AMY2B: variants seen among roughly 807,000 people sequenced by gnomAD.
AMY2B encodes the protein alpha-amylase 2B.
AMY2B carries 63 observed loss-of-function variants against 59.3 expected under a neutral mutation model. The ratio of observed to expected loss-of-function variants is 1.06; its 90% CI spans 0.87 to 1.31. The LOEUF is 1.31. Among genes scored for constraint, AMY2B ranks in the 50% most tolerant of loss-of-function variants. AMY2B has a pLI of 0.00. For synonymous variants in AMY2B, 180 were observed against 198.1 expected, an observed-to-expected ratio of 0.91 and a Z score of 0.77; for missense variants, 635 against 626.7, an observed-to-expected ratio of 1.01 and a Z score of -0.14.
chr1:103,577,592 C>T lies in AMY2B; in HGVS notation c.1204C>T (p.Arg402Ter), dbSNP rs377067814. ...TCGNDWVCEH[R>*]WRQIRNMVNF... Reference sequence around the variant, plus strand: ...TGGCAATGACTGGGTCTGTGAACATCGATGGCGCCAAATAAGGTGAGAATA... The same window carrying T: ...TGGCAATGACTGGGTCTGTGAACATTGATGGCGCCAAATAAGGTGAGAATA... Residue 402 changes from arginine (R) to a stop codon, truncating the protein, a stop_gained, in exon 8 of 10, where the codon CGA (arginine) becomes TGA (stop). Transcript: ENST00000684275. LOFTEE classifies it high-confidence loss of function. 4 of 1,611,878 alleles carry T rather than the reference C, an allele frequency of 2.5e-6. No individual in the cohort carries two copies. The highest frequency in any genetic ancestry group is 2.5e-6 in the Non-Finnish European group (3 of 1,179,800).
chr1:103,574,343 A>G lies in AMY2B; in HGVS notation c.828A>G (p.Lys276=), dbSNP rs138821426. 1.2e-6 allele frequency: 2 copies of G among 1,611,688 alleles called. No individual in the cohort carries two copies. Among genetic ancestry groups the G allele is most frequent in the African/African-American group, 2.7e-5 (2 of 74,860 alleles). Residue 276 remains lysine, a synonymous_variant, in exon 5 of 10, where the codon AAA becomes AAG. Transcript: ENST00000684275. The part of the protein sequence containing the change: ...GRVTEFKYGA[K]LGTVIRKWNG... ...TGACAGAATTCAAGTATGGTGCAAAACTCGGCACAGTTATTCGCAAGTGGA... is the reference window on the plus strand; with the variant it reads ...TGACAGAATTCAAGTATGGTGCAAAGCTCGGCACAGTTATTCGCAAGTGGA...
At chr1:103,558,870 CAAGAG>C (rs1426108030) in intron 1 of AMY2B, among the ~76,000 whole-genome samples, 2 of 151,754 alleles carry the variant, frequency 1.3e-5, no homozygotes, top group Non-Finnish European at 1.5e-5. Flanking sequence ...AAGGATAAGA[CAAGAG>C]AAAGGATGGT....
intron 1 of AMY2B, 122 bp from the exon 2 acceptor site, chr1:103,571,988 A>C: frequency 6.4e-7 from 1 of 1,554,622 alleles, no homozygotes; most frequent in Non-Finnish European, 8.7e-7. Flanking sequence ...TGCTGTTAAT[A>C]TTTTCAAGAG....
intron 1 of AMY2B, among the ~76,000 whole-genome samples, chr1:103,563,226 A>G (rs965827480): frequency 1.3e-5 from 2 of 152,062 alleles, no homozygotes; most frequent in Admixed American, 1.3e-4. Flanking sequence ...TCATATTCTT[A>G]GGGAATTCCC....
chr1:103,572,885 T>G (rs541066914), intron 2 of AMY2B, among the ~76,000 whole-genome samples, 178 bp from the exon 3 acceptor site: 1 of 152,316 alleles, frequency 6.6e-6, no homozygotes, highest in South Asian at 2.1e-4. Flanking sequence ...CTAGAAGGCA[T>G]GTAGGTGTTT....
upstream of AMY2B, chr1:103,570,833 G>T: frequency 4.8e-6 from 2 of 417,706 alleles, no homozygotes; most frequent in Non-Finnish European, 9.5e-6. Context: ...ATCAGCACTG[G>T]ATTGTAGAAC....
chr1:103,575,688 A>AT (rs1421511494), intron 7 of AMY2B, 148 bp downstream of exon 7: 4 of 1,162,500 alleles, frequency 3.4e-6, no homozygotes, highest in African/African-American at 3.1e-5. Flanking sequence ...AATGCAGGTT[A>AT]TATTAAAGGA....
At chr1:103,573,563 A>C (rs1652222277) in intron 3 of AMY2B, 145 bp from the exon 4 acceptor site, 1 of 1,300,388 alleles carries the variant, frequency 7.7e-7, no homozygotes, top group South Asian at 1.4e-5. Context: ...CATCTATAGT[A>C]GAATGTGAGC....
intron 9 of AMY2B, 128 bp downstream of exon 9, chr1:103,577,973 C>G (rs111586902): frequency 7.5e-5 from 114 of 1,527,566 alleles, no homozygotes; most frequent in Admixed American, 3.5e-4. Context: ...AGACAATAGA[C>G]ATCAAAATTG....
chr1:103,578,433 G>T (rs1652447840), intron 9 of AMY2B, among the ~76,000 whole-genome samples: 1 of 152,106 alleles, frequency 6.6e-6, no homozygotes. Flanking sequence ...CCTTTCATCT[G>T]TGATTCTTAT....
At chr1:103,577,254 A>C (rs1652394081) in intron 7 of AMY2B, 3 of 837,892 alleles carry the variant, frequency 3.6e-6, no homozygotes, top group Non-Finnish European at 5.5e-6. Flanking sequence ...CTTGGAATGA[A>C]AAGGAGAGGA....
chr1:103,572,957 A>T, intron 2 of AMY2B, 106 bp from the exon 3 acceptor site: 1 of 1,591,228 alleles, frequency 6.3e-7, no homozygotes, highest in South Asian at 1.1e-5. Flanking sequence ...ATAAGATATC[A>T]TGAAATATTT....
intron 1 of AMY2B, among the ~76,000 whole-genome samples, chr1:103,560,362 C>T (rs1651695352): frequency 6.6e-6 from 1 of 152,026 alleles, no homozygotes; most frequent in Admixed American, 6.6e-5. Flanking sequence ...ATTAATTTTG[C>T]CTTAGATCTT....
At chr1:103,578,672 G>A (rs555182083) in intron 9 of AMY2B, among the ~76,000 whole-genome samples, 73 of 151,962 alleles carry the variant, frequency 4.8e-4, no homozygotes, top group African/African-American at 1.7e-3. Context: ...TTCTTTTGTG[G>A]ATGAAAATAC....
At chr1:103,573,359 T>G in intron 3 of AMY2B, 99 bp downstream of exon 3, 1 of 1,580,142 alleles carries the variant, frequency 6.3e-7, no homozygotes, top group Non-Finnish European at 8.6e-7. Context: ...CGAATTTAGA[T>G]CTCTTAGGGA....
chr1:103,562,672 CTTTTTTTT>C (rs373215753), intron 1 of AMY2B, among the ~76,000 whole-genome samples: 6 of 112,088 alleles, frequency 5.4e-5, no homozygotes, highest in Admixed American at 9.0e-5. Context: ...GATAACTTGT[CTTTTTTTT>C]TTTTTTTTTT....
chr1:103,570,486 C>G, upstream of AMY2B: 1 of 668,488 alleles, frequency 1.5e-6, no homozygotes, highest in African/African-American at 1.8e-5. Context: ...CGACAGGATG[C>G]AGAAGGAGAT....
Position 103,575,354 on chromosome 1 carries a change from C to T in AMY2B, c.1001+9C>T, listed in dbSNP as rs1457668659. On this transcript the variant is annotated intron_variant, in intron 6 of 9. Coordinates refer to ENST00000684275, the MANE Select transcript of AMY2B (RefSeq NM_001387437.1). ...ACCTTCTGGGATGCTAGGTAGAAAA[C>T]CAAGTTCTCTATTTTTTTTAACACA... 20 of 1,612,864 alleles carry T rather than the reference C, an allele frequency of 1.2e-5. No individual in the cohort carries two copies. The highest frequency in any genetic ancestry group is 1.7e-5 in the Admixed American group (1 of 59,868).
At chr1:103,577,958 C>T in intron 9 of AMY2B, 113 bp downstream of exon 9, 1 of 1,552,822 alleles carries the variant, frequency 6.4e-7, no homozygotes, top group Non-Finnish European at 8.6e-7. Flanking sequence ...GTCAGTGGAG[C>T]AAGAAGACAA....
Sources: allele counts gnomAD v4.1 joint callset (sites outside exome capture counted in the v4.1 genomes callset), GRCh38; gene constraint gnomAD v4.1.1; transcripts MANE v1.5; gene names NCBI Gene and HGNC (gene_info 2026-07-23, HGNC 2026-07-21).